DELE1: variants seen among roughly 807,000 people sequenced by gnomAD.
DELE1 encodes DAP3 binding cell death enhancer 1.
Under a neutral mutation model 59.3 loss-of-function variants are expected in DELE1, and 54 were observed. The ratio of observed to expected loss-of-function variants is 0.91; its 90% CI spans 0.73 to 1.14. DELE1 has a LOEUF of 1.14. DELE1 is among the 50% of genes most tolerant of loss of function. The pLI, the probability that DELE1 is intolerant of heterozygous loss-of-function variation, is 0.00. For synonymous variants in DELE1, 264 were observed against 259.1 expected (o/e 1.02, Z -0.18); for missense variants, 636 against 643.9 (o/e 0.99, Z 0.13).
Position 141,937,194 on chromosome 5 carries a change from T to C in DELE1, c.1150-4T>C, listed in dbSNP as rs770396650. 3 of 1,614,122 alleles carry C rather than the reference T, an allele frequency of 1.9e-6. No homozygotes were observed. Among genetic ancestry groups the C allele is most frequent in the Non-Finnish European group, 2.5e-6 (3 of 1,180,000 alleles). On this transcript the variant is annotated splice_polypyrimidine_tract_variant and splice_region_variant and intron_variant, in intron 10 of 11. Transcript: ENST00000432126. ...ATCTGTTTGTCTGTCCATTTTCTCC[T>C]TAGGACTCACAGAGCAGGTACCACC...
At position 141,929,772 on chromosome 5, in the gene DELE1, G is replaced by A. The variant is rs751918075; in HGVS notation, c.571+32G>A. 8.1e-6 allele frequency: 13 copies of A among 1,612,124 alleles called. No homozygotes were observed. In the South Asian group the frequency reaches 1.2e-4, roughly 15 times the overall value. On this transcript the variant is annotated intron_variant, in intron 5 of 11. Coordinates refer to ENST00000432126, the MANE Select transcript of DELE1 (RefSeq NM_014773.5). Reference sequence around the variant, plus strand: ...CCCTGCCTCATGGAATCAGCAGAAGGCAGGGGGCGGTGGTGGTGAGCTGGG... The same window carrying A: ...CCCTGCCTCATGGAATCAGCAGAAGACAGGGGGCGGTGGTGGTGAGCTGGG...
At position 141,937,355 on chromosome 5, in the gene DELE1, C is replaced by T. The variant is rs1473781045; in HGVS notation, c.1307C>T (p.Ala436Val). Reference protein sequence around the residue: ...RLRALFSMGAAAPGPSDLTVT... With the variant: ...RLRALFSMGAVAPGPSDLTVT... ...CGAGCCCTCTTTTCCATGGGGGCTG[C>T]AGGTACAGACCCAAGTCCAAGCCAA... The change falls in exon 11 of 12, where the codon GCA becomes GTA. Residue 436 changes from alanine (A) to valine (V), a missense_variant and splice_region_variant. Transcript: ENST00000432126. 8 of 1,613,790 alleles carry T rather than the reference C, an allele frequency of 5.0e-6. No individual in the cohort carries two copies. In the South Asian group the frequency reaches 7.7e-5, roughly 16 times the overall value.
At chr5:141,925,154 C>A (rs1277536904) in intron 2 of DELE1, among the ~76,000 whole-genome samples, 1 of 151,926 alleles carries the variant, frequency 6.6e-6, no homozygotes, top group African/African-American at 2.4e-5. Context: ...TGGTCTTGAT[C>A]TCCTGATCTC....
rs564256387 is a variant in DELE1 at position 141,939,970 on chromosome 5, G to A, written c.*1211G>A. On this transcript the variant is annotated 3_prime_UTR_variant, in exon 12 of 12. Transcript: ENST00000432126. The stretch of plus-strand genomic sequence containing the variant: ...TCCTGACTCCTGGCCCAGAGTTCTT[G>A]TCCATCAGTTCATACTGCAATTTTA... The A allele has an allele frequency of 1.5e-5, 15 of 980,886 alleles. No individual in the cohort carries two copies. In the South Asian group the frequency reaches 5.7e-4, roughly 37 times the overall value. 60.8% of individuals were successfully genotyped at this position (980,886 alleles called of 1,614,324 possible).
Position 141,941,300 on chromosome 5 carries a change from C to A in DELE1, c.*2541C>A. On this transcript the variant is annotated 3_prime_UTR_variant, in exon 12 of 12. Transcript: ENST00000432126. The stretch of plus-strand genomic sequence containing the variant: ...GTCACTACTGAGCTAAGTACTGATT[C>A]AATTTGGGGTGCCAAAGGTTGGGGG... 1 of 985,560 alleles carries A rather than the reference C, an allele frequency of 1.0e-6. No individual in the cohort carries two copies. The highest frequency in any genetic ancestry group is 1.2e-6 in the Non-Finnish European group (1 of 830,028). 61.1% of individuals were successfully genotyped at this position (985,560 alleles called of 1,614,324 possible). A position where few individuals can be genotyped will look rare whatever the true frequency, so the allele number is the denominator to read the frequency against.
intron 7 of DELE1, among the ~76,000 whole-genome samples, chr5:141,931,763 C>A (rs542036830): frequency 8.9e-4 from 136 of 152,300 alleles, no homozygotes; most frequent in African/African-American, 3.0e-3. Flanking sequence ...AAGGAGGCAA[C>A]TTTATTTAAT....
At position 141,941,273 on chromosome 5, in the gene DELE1, C is replaced by T; in HGVS notation, c.*2514C>T. The T allele has an allele frequency of 1.0e-6, 1 of 985,522 alleles. No individual in the cohort carries two copies. Among genetic ancestry groups the T allele is most frequent in the African/African-American group, 1.7e-5 (1 of 57,380 alleles). 61.0% of individuals were successfully genotyped at this position (985,522 alleles called of 1,614,324 possible). Reference sequence around the variant, plus strand: ...TCCCTGAGTGGCTCTCCCTCCCACTCAGTCACTACTGAGCTAAGTACTGAT... The same window carrying T: ...TCCCTGAGTGGCTCTCCCTCCCACTTAGTCACTACTGAGCTAAGTACTGAT... On this transcript the variant is annotated 3_prime_UTR_variant, in exon 12 of 12. Transcript: ENST00000432126.
chr5:141,941,875 G>A lies in DELE1; in HGVS notation c.*3116G>A. ...CAGCACCAAGCCTACCCAGCACATA[G>A]TAGGTACTTTAAGTAATTTGAATGA... On this transcript the variant is annotated 3_prime_UTR_variant, in exon 12 of 12. Transcript: ENST00000432126. The A allele has an allele frequency of 1.0e-6, 1 of 985,322 alleles. No individual in the cohort carries two copies. Among genetic ancestry groups the A allele is most frequent in the Non-Finnish European group, 1.2e-6 (1 of 829,896 alleles). The allele number at this position is 985,322 out of a possible 1,614,324, so 61.0% of individuals were successfully genotyped here.
Position 141,930,205 on chromosome 5 carries a change from C to G in DELE1, c.685C>G (p.Leu229Val). The G allele has an allele frequency of 6.2e-7, 1 of 1,613,920 alleles. No individual in the cohort carries two copies. Among genetic ancestry groups the G allele is most frequent in the Non-Finnish European group, 8.5e-7 (1 of 1,179,808 alleles). ...ACAAGATAAATCAAAAACTCTTTCC[C>G]TTGAGGAGGCTGTGACTTCCATTCA... ...KEQDKSKTLS[L>V]EEAVTSIQQL... The change falls in exon 7 of 12, where the codon CTT (leucine) becomes GTT (valine). Residue 229 changes from leucine to valine, a missense_variant. Coordinates refer to ENST00000432126, the MANE Select transcript of DELE1 (RefSeq NM_014773.5).
chr5:141,925,903 A>G (rs1316685583), intron 3 of DELE1, among the ~76,000 whole-genome samples: 1 of 151,968 alleles, frequency 6.6e-6, no homozygotes, highest in African/African-American at 2.4e-5. Flanking sequence ...TTTCTGAGAC[A>G]GAGTCTTTCT....
intron 7 of DELE1, among the ~76,000 whole-genome samples, chr5:141,931,770 T>C (rs758799804): frequency 6.6e-5 from 10 of 152,188 alleles, no homozygotes; most frequent in Non-Finnish European, 1.5e-5. Context: ...CAACTTTATT[T>C]AATTCACTGC....
At position 141,937,978 on chromosome 5, in the gene DELE1, C is replaced by T. The variant is rs535114675; in HGVS notation, c.1310-543C>T. On this transcript the variant is annotated intron_variant, in intron 11 of 11. Transcript: ENST00000432126. ...TAGCTGGGATTACAGGCACCCACCACGATCCCTGGCTAATTTTTTGTATTT... is the reference window on the plus strand; with the variant it reads ...TAGCTGGGATTACAGGCACCCACCATGATCCCTGGCTAATTTTTTGTATTT... Among the ~76,000 whole-genome samples the T allele has an allele frequency of 2.6e-4, 39 of 151,690 alleles. No homozygotes were observed. The East Asian group carries it at 6.4e-3, about 25-fold the overall frequency.
At position 141,939,905 on chromosome 5, in the gene DELE1, T is replaced by G. The variant is rs1426787845; in HGVS notation, c.*1146T>G. The G allele has an allele frequency of 1.4e-6, 1 of 710,560 alleles. No individual in the cohort carries two copies. Among genetic ancestry groups the G allele is most frequent in the African/African-American group, 1.9e-5 (1 of 51,520 alleles). 44.0% of individuals were successfully genotyped at this position (710,560 alleles called of 1,614,324 possible). ...GGAGGCAGTGATGCTCATGGTTGCATGACTTTATGAGTCGCTGGGCCAGGG... is the reference window on the plus strand; with the variant it reads ...GGAGGCAGTGATGCTCATGGTTGCAGGACTTTATGAGTCGCTGGGCCAGGG... On this transcript the variant is annotated 3_prime_UTR_variant, in exon 12 of 12. Coordinates refer to ENST00000432126, the MANE Select transcript of DELE1 (RefSeq NM_014773.5).
At position 141,925,533 on chromosome 5, in the gene DELE1, G is replaced by A. The variant is rs905090029; in HGVS notation, c.264+6G>A. 1.9e-6 allele frequency: 3 copies of A among 1,559,812 alleles called. No individual in the cohort carries two copies. Among genetic ancestry groups the A allele is most frequent in the South Asian group, 2.3e-5 (2 of 85,846 alleles). On this transcript the variant is annotated splice_donor_region_variant and intron_variant, in intron 3 of 11. Coordinates refer to ENST00000432126, the MANE Select transcript of DELE1 (RefSeq NM_014773.5). ...TATGGGATGCCATATCTTGGGTAAGGCTTCCCCAGCCTGGTCCTTGACCTT... is the reference window on the plus strand; with the variant it reads ...TATGGGATGCCATATCTTGGGTAAGACTTCCCCAGCCTGGTCCTTGACCTT...
At chr5:141,933,559 C>T in intron 8 of DELE1, 158 bp downstream of exon 8, 1 of 454,902 alleles carries the variant, frequency 2.2e-6, no homozygotes, top group Non-Finnish European at 3.5e-6. Flanking sequence ...TCCTAACTTC[C>T]AGGAATTTAG....
chr5:141,934,495 CCCAAG>C lies in DELE1; in HGVS notation c.1060_1064del (p.Gln354PhefsTer14), dbSNP rs1182509761. 1 of 1,614,230 alleles carries C rather than the reference CCCAAG, an allele frequency of 6.2e-7. No individual in the cohort carries two copies. Among genetic ancestry groups the C allele is most frequent in the Non-Finnish European group, 8.5e-7 (1 of 1,180,028 alleles). On this transcript the variant is annotated frameshift_variant and splice_region_variant, in exon 10 of 12. Transcript: ENST00000432126. LOFTEE classifies it high-confidence loss of function. ...CTTTTCCTTCCTCCTTGACCACAGG[CCCAAG>C]CTTTCCTCGGGGTGCTTTTCACCAA...
chr5:141,924,831 C>T (rs907255141), intron 2 of DELE1, 136 bp downstream of exon 2: 8 of 608,282 alleles, frequency 1.3e-5, no homozygotes, highest in African/African-American at 1.3e-4. Context: ...TCTCAGCTCA[C>T]TGCAACCTCC....
At position 141,941,248 on chromosome 5, in the gene DELE1, T is replaced by C; in HGVS notation, c.*2489T>C. 1.0e-6 allele frequency: 1 copy of C among 985,480 alleles called. No individual in the cohort carries two copies. Among genetic ancestry groups the C allele is most frequent in the South Asian group, 4.7e-5 (1 of 21,284 alleles). 61.0% of individuals were successfully genotyped at this position (985,480 alleles called of 1,614,324 possible). A position where few individuals can be genotyped will look rare whatever the true frequency, so the allele number is the denominator to read the frequency against. ...CTGTGGTGAAGGCCAGATGCAGCCC[T>C]CCCTGAGTGGCTCTCCCTCCCACTC... On this transcript the variant is annotated 3_prime_UTR_variant, in exon 12 of 12. Coordinates refer to ENST00000432126, the MANE Select transcript of DELE1 (RefSeq NM_014773.5).
chr5:141,937,585 A>G (rs1319867397), intron 11 of DELE1, among the ~76,000 whole-genome samples: 2 of 151,620 alleles, frequency 1.3e-5, no homozygotes, highest in East Asian at 2.0e-4. Flanking sequence ...CCTGGCTAAC[A>G]CGGTGAAACC....
Sources: allele counts gnomAD v4.1 joint callset (sites outside exome capture counted in the v4.1 genomes callset), GRCh38; gene constraint gnomAD v4.1.1; transcripts MANE v1.5; gene names NCBI Gene and HGNC (gene_info 2026-07-23, HGNC 2026-07-21).